Variants in MAP7D2 observed in about 807,000 individuals in gnomAD.
MAP7D2 encodes MAP7 domain-containing protein 2.
Under a neutral mutation model 63.5 loss-of-function variants are expected in MAP7D2, and 33 were observed. The observed-to-expected ratio is 0.52, with a 90% confidence interval of 0.39 to 0.70. The LOEUF (loss-of-function observed/expected upper bound fraction) is 0.70. Among genes scored for constraint, MAP7D2 ranks in the 30% least tolerant of loss-of-function variants. The pLI is 0.00. For missense variants in MAP7D2, 626 were observed against 604.0 expected (o/e 1.04, Z -0.38); for synonymous variants, 224 against 223.7 (o/e 1.00, Z -0.01).
chrX:20,060,432 G>A (rs7887855), intron 3 of MAP7D2, among the ~76,000 whole-genome samples: 4,452 of 69,032 alleles, frequency 0.064, 373 homozygotes, highest in African/African-American at 0.26. Context: ...GAGAGAGAGA[G>A]AGAAAGAAAG....
chrX:20,066,358 C>G (rs1021508059), intron 1 of MAP7D2, among the ~76,000 whole-genome samples: 2 of 111,686 alleles, frequency 1.8e-5, no homozygotes, highest in Non-Finnish European at 3.8e-5. Flanking sequence ...AGGAGGGAGG[C>G]CTGAAGGCCT....
At chrX:20,093,698 A>C (rs947646389) in intron 1 of MAP7D2, among the ~76,000 whole-genome samples, 1 of 111,673 alleles carries the variant, frequency 9.0e-6, no homozygotes, top group Non-Finnish European at 1.9e-5. Flanking sequence ...CCATTAAACA[A>C]GAATGCAAGA....
intron 8 of MAP7D2, among the ~76,000 whole-genome samples, chrX:20,041,412 G>A (rs1026455120): frequency 2.7e-5 from 3 of 111,778 alleles, no homozygotes; most frequent in African/African-American, 9.7e-5. Flanking sequence ...TCCTTATGGA[G>A]GACAAACACA....
At chrX:20,036,682 G>T (rs1569518041) in intron 8 of MAP7D2, among the ~76,000 whole-genome samples, 1 of 104,929 alleles carries the variant, frequency 9.5e-6, no homozygotes, top group Admixed American at 1.0e-4. Context: ...AAGGTGGGCG[G>T]ATCACGAGGT....
At chrX:20,016,576 C>A (rs544426277) in intron 10 of MAP7D2, among the ~76,000 whole-genome samples, 1 of 112,471 alleles carries the variant, frequency 8.9e-6, no homozygotes. Flanking sequence ...TGATGTGTAA[C>A]GCATACTGTA....
chrX:20,008,347 C>A lies in MAP7D2; in HGVS notation c.*78G>T, dbSNP rs2073068450. The A allele has an allele frequency of 8.9e-6, 1 of 112,178 alleles. No individual in the cohort carries two copies. Among genetic ancestry groups the A allele is most frequent in the Admixed American group, 9.5e-5 (1 of 10,567 alleles). 9.2% of individuals were successfully genotyped at this position (112,178 alleles called of 1,213,427 possible). ...TAAGGGTGACAGAAGCTTCTTCAAG[C>A]AGCTAGTAGCTCGGATTTGACTATC... On this transcript the variant is annotated 3_prime_UTR_variant, in exon 17 of 17. Transcript: ENST00000379643.
rs2148329729 is a variant in MAP7D2, at chrX:20,053,140, T to C, written c.485-152A>G. On this transcript the variant is annotated intron_variant, in intron 4 of 16. Transcript: ENST00000379643. ...TGCTTTCATCATCCTGGCATCTCAT[T>C]ATCCTACTCTAGAAATGACCAGGCT... 6.8e-6 allele frequency: 3 copies of C among 444,240 alleles called. No homozygotes were observed. In the East Asian group the frequency reaches 1.1e-4, roughly 17 times the overall value. The allele number at this position is 444,240 out of a possible 1,213,427, so 36.6% of individuals were successfully genotyped here. A position where few individuals can be genotyped will look rare whatever the true frequency, so the allele number is the denominator to read the frequency against.
chrX:20,070,756 C>A (rs1020843984), intron 1 of MAP7D2, among the ~76,000 whole-genome samples: 1 of 112,050 alleles, frequency 8.9e-6, no homozygotes, highest in Non-Finnish European at 1.9e-5. Context: ...CTTATGTTAA[C>A]AGAAAAGCAT....
At chrX:20,057,722 A>C (rs1460460215) in intron 3 of MAP7D2, among the ~76,000 whole-genome samples, 1 of 111,652 alleles carries the variant, frequency 9.0e-6, no homozygotes, top group Non-Finnish European at 1.9e-5. Flanking sequence ...CCCAACCCCG[A>C]GGTGCTCCAG....
At chrX:20,088,876 C>T (rs1300446212) in intron 1 of MAP7D2, among the ~76,000 whole-genome samples, 1 of 110,403 alleles carries the variant, frequency 9.1e-6, no homozygotes, top group Non-Finnish European at 1.9e-5. Context: ...CTCTGTTGCC[C>T]AGGCTGGAGT....
intron 1 of MAP7D2, among the ~76,000 whole-genome samples, chrX:20,111,310 G>A (rs996824938): frequency 2.7e-5 from 3 of 112,109 alleles, no homozygotes; most frequent in African/African-American, 9.7e-5. Flanking sequence ...ATGAACATGT[G>A]CAGTATATAA....
At position 20,064,781 on chromosome X, in the gene MAP7D2, T is replaced by C; in HGVS notation, c.155A>G (p.Asp52Gly). The C allele has an allele frequency of 8.3e-7, 1 of 1,210,763 alleles. No homozygotes were observed. The highest frequency in any genetic ancestry group is 1.1e-6 in the Non-Finnish European group (1 of 894,457). ...TTCTTTGGCCAATCTCTGCCTCTCA[T>C]CTGATTTCAAAAATCCCTCCATGCC... Reference protein sequence around the residue: ...PQGMEGFLKSDERQRLAKERR... With the variant: ...PQGMEGFLKSGERQRLAKERR... The change falls in exon 2 of 17, where the codon GAT becomes GGT. Residue 52 changes from aspartate (D) to glycine (G), a missense_variant. Asp to Gly is a moderately conservative substitution (Grantham distance 94). Transcript: ENST00000379643.
Position 20,012,356 on chromosome X carries a change from C to T in MAP7D2, c.2065G>A (p.Asp689Asn). The T allele has an allele frequency of 4.2e-6, 5 of 1,197,575 alleles. No individual in the cohort carries two copies. Among genetic ancestry groups the T allele is most frequent in the Non-Finnish European group, 5.6e-6 (5 of 887,073 alleles). ...DDSTEEVQSM[D>N]VSPVSKEELI... ...CAAAAGAAATGAATATACCTCACAT[C>T]CATAGACTGAACTTCTTCAGTTGAA... is the stretch of plus-strand genomic sequence containing the variant. The change falls in exon 15 of 17, where the codon GAT (aspartate) becomes AAT (asparagine). Residue 689 changes from aspartate (D) to asparagine (N), a missense_variant. Transcript: ENST00000379643.
At chrX:20,070,666 AAC>A (rs2065479958) in intron 1 of MAP7D2, among the ~76,000 whole-genome samples, 1 of 110,620 alleles carries the variant, frequency 9.0e-6, no homozygotes, top group Non-Finnish European at 1.9e-5. Flanking sequence ...GCAACTCTGA[AAC>A]AGAGGTCTTT....
chrX:20,017,750 T>C (rs1478762277), intron 10 of MAP7D2, among the ~76,000 whole-genome samples: 1 of 111,321 alleles, frequency 9.0e-6, no homozygotes, highest in Non-Finnish European at 1.9e-5. Context: ...AAATACTATG[T>C]CCAACACAGG....
chrX:20,065,341 A>T (rs1161332229), intron 1 of MAP7D2, among the ~76,000 whole-genome samples: 1 of 101,833 alleles, frequency 9.8e-6, no homozygotes, highest in African/African-American at 3.7e-5. Flanking sequence ...ACCTTGGCTC[A>T]CTGCAACCTC....
chrX:20,017,933 G>A (rs1257926860), intron 10 of MAP7D2, among the ~76,000 whole-genome samples: 2 of 107,305 alleles, frequency 1.9e-5, no homozygotes, highest in Non-Finnish European at 3.8e-5. Context: ...AGGACCTGCC[G>A]TCTTCATCTC....
chrX:20,062,537 T>G (rs1243997812), intron 3 of MAP7D2, among the ~76,000 whole-genome samples: 1 of 111,332 alleles, frequency 9.0e-6, no homozygotes, highest in African/African-American at 3.3e-5. Flanking sequence ...TGTTCAGAGA[T>G]TTTAAAAAAT....
chrX:20,104,358 T>C (rs1292641793), intron 1 of MAP7D2, among the ~76,000 whole-genome samples: 1 of 112,922 alleles, frequency 8.9e-6, no homozygotes, highest in African/African-American at 3.2e-5. Context: ...TGGAGTACAG[T>C]GGCACAATCT....
Sources: gnomAD v4.1 joint callset for allele counts (sites outside exome capture counted in the v4.1 genomes callset) on GRCh38, gnomAD v4.1.1 for gene constraint, MANE v1.5 for transcripts, NCBI Gene and HGNC (gene_info 2026-07-23, HGNC 2026-07-21) for gene names.